HPSE2: variants seen among roughly 807,000 people sequenced by gnomAD.
The protein encoded by HPSE2 is inactive heparanase-2.
In HPSE2, 38 loss-of-function variants were observed where a neutral mutation model predicts 60.5. That is an observed-to-expected ratio of 0.63 (90% CI 0.48 to 0.82). The LOEUF (loss-of-function observed/expected upper bound fraction) is 0.82, where lower values mean the gene tolerates loss of function less well. Ranked by LOEUF, HPSE2 falls within the 40% of genes least tolerant of loss-of-function variation. The pLI is 0.00. For missense variants in HPSE2, 713 were observed against 740.4 expected (o/e 0.96, Z 0.43); for synonymous variants, 295 against 293.2 (o/e 1.01, Z -0.06).
intron 3 of HPSE2, among the ~76,000 whole-genome samples, chr10:98,754,411 G>A (rs988939356): frequency 2.0e-5 from 3 of 151,958 alleles, no homozygotes; most frequent in African/African-American, 7.2e-5. Flanking sequence ...GAGAGAGAGA[G>A]CACAAGCAAC....
chr10:98,594,353 T>C (rs1020697892), intron 9 of HPSE2, among the ~76,000 whole-genome samples: 2 of 152,120 alleles, frequency 1.3e-5, no homozygotes, highest in African/African-American at 4.8e-5. Flanking sequence ...TCTGCTCCTA[T>C]GAATTCAACT....
intron 2 of HPSE2, among the ~76,000 whole-genome samples, chr10:99,147,511 G>C (rs569890506): frequency 1.3e-5 from 2 of 152,282 alleles, no homozygotes; most frequent in African/African-American, 4.8e-5. Flanking sequence ...ATATTGCTCA[G>C]AATGCAGCAG....
At chr10:99,158,997 A>G (rs180795807) in intron 2 of HPSE2, among the ~76,000 whole-genome samples, 9 of 152,256 alleles carry the variant, frequency 5.9e-5, no homozygotes, top group Admixed American at 5.2e-4. Flanking sequence ...CATGAGACAC[A>G]GTTTAAACAG....
At chr10:99,217,072 A>C (rs4129552) in intron 2 of HPSE2, among the ~76,000 whole-genome samples, 74,853 of 151,640 alleles carry the variant, frequency 0.49, 21,668 homozygotes, top group Non-Finnish European at 0.64. Context: ...TTATATAATC[A>C]GCCTGTGATC....
chr10:99,258,308 T>C, the HPSE2 span, among the ~76,000 whole-genome samples: 6 of 151,888 alleles, frequency 4.0e-5, no homozygotes, highest in East Asian at 1.9e-4. Context: ...ATACTTAGAA[T>C]TAAAGCCAAC....
intron 3 of HPSE2, among the ~76,000 whole-genome samples, chr10:98,856,116 C>T (rs373957807): frequency 1.3e-4 from 20 of 152,258 alleles, no homozygotes; most frequent in African/African-American, 4.3e-4. Context: ...GAGGTACACC[C>T]ATCGGCAGAC....
At chr10:98,842,640 T>A (rs1951943170) in intron 3 of HPSE2, among the ~76,000 whole-genome samples, 2 of 151,768 alleles carry the variant, frequency 1.3e-5, no homozygotes, top group African/African-American at 4.8e-5. Flanking sequence ...CATAGTCTCC[T>A]CTGTTACCAG....
chr10:99,074,389 A>G (rs550003826), intron 3 of HPSE2, among the ~76,000 whole-genome samples: 2 of 152,212 alleles, frequency 1.3e-5, no homozygotes, highest in Non-Finnish European at 2.9e-5. Context: ...TCATCCTTGC[A>G]TCTCAGGGAA....
intron 3 of HPSE2, among the ~76,000 whole-genome samples, chr10:98,868,083 AAATAAAT>A (rs1952638836): frequency 1.8e-3 from 1 of 564 alleles, no homozygotes; most frequent in African/African-American, 6.2e-3. Context: ...GAAAGAAAAT[AAATAAAT>A]AAATAAATAA....
intron 3 of HPSE2, among the ~76,000 whole-genome samples, chr10:99,101,809 T>A (rs1357285924): frequency 6.6e-6 from 1 of 152,184 alleles, no homozygotes; most frequent in Non-Finnish European, 1.5e-5. Flanking sequence ...GCAATCAAAC[T>A]AGGACTCAGG....
intron 5 of HPSE2, among the ~76,000 whole-genome samples, chr10:98,705,515 T>C (rs1233974088): frequency 1.3e-5 from 2 of 152,158 alleles, no homozygotes; most frequent in Admixed American, 1.3e-4. Context: ...CCAAATGCCC[T>C]TTAATGATAG....
intron 3 of HPSE2, among the ~76,000 whole-genome samples, chr10:98,965,061 T>C (rs117231165): frequency 0.013 from 2,049 of 152,250 alleles, 20 homozygotes; most frequent in Non-Finnish European, 0.022. Context: ...AATACCTTCC[T>C]TATTAGTTTC....
At chr10:99,144,068 T>C (rs1034892724) in intron 3 of HPSE2, among the ~76,000 whole-genome samples, 170 bp downstream of exon 3, 3 of 152,232 alleles carry the variant, frequency 2.0e-5, no homozygotes, top group Non-Finnish European at 4.4e-5. Context: ...GAATCACCCA[T>C]AACTTCAAAC....
chr10:98,901,369 T>G (rs1953661696), intron 3 of HPSE2, among the ~76,000 whole-genome samples: 4 of 152,206 alleles, frequency 2.6e-5, no homozygotes, highest in African/African-American at 9.6e-5. Context: ...TACAGTTGAT[T>G]TGGAAAACAA....
At chr10:99,051,100 G>A (rs560035446) in intron 3 of HPSE2, among the ~76,000 whole-genome samples, 147 of 152,112 alleles carry the variant, frequency 9.7e-4, no homozygotes, top group African/African-American at 3.2e-3. Flanking sequence ...GTGAAACCCC[G>A]TCTCTGCTAA....
chr10:98,684,395 T>C (rs1332158735), intron 6 of HPSE2, among the ~76,000 whole-genome samples: 1 of 151,980 alleles, frequency 6.6e-6, no homozygotes, highest in Non-Finnish European at 1.5e-5. Flanking sequence ...TTAGAATAGA[T>C]TAATAGGAAG....
chr10:98,469,654 G>A (rs1254949823), intron 11 of HPSE2, among the ~76,000 whole-genome samples: 1 of 152,158 alleles, frequency 6.6e-6, no homozygotes, highest in African/African-American at 2.4e-5. Flanking sequence ...TCTGCAGTCT[G>A]GGCTTATTAT....
chr10:98,569,906 C>A (rs918279305), intron 9 of HPSE2, among the ~76,000 whole-genome samples: 2 of 152,202 alleles, frequency 1.3e-5, no homozygotes, highest in African/African-American at 4.8e-5. Context: ...CAAACAACTG[C>A]CACAAATTAA....
intron 3 of HPSE2, among the ~76,000 whole-genome samples, chr10:99,000,895 T>C (rs957039168): frequency 1.3e-5 from 2 of 152,080 alleles, no homozygotes; most frequent in African/African-American, 4.8e-5. Flanking sequence ...AGCTATACCA[T>C]GGGTCAAATC....
Sources: allele counts gnomAD v4.1 joint callset (sites outside exome capture counted in the v4.1 genomes callset), GRCh38; gene constraint gnomAD v4.1.1; transcripts MANE v1.5; gene names NCBI Gene and HGNC (gene_info 2026-07-23, HGNC 2026-07-21).